Variants in THSD4 observed in about 807,000 individuals in gnomAD.
THSD4 encodes thrombospondin type 1 domain containing 4.
In THSD4, 69 loss-of-function variants were observed where a neutral mutation model predicts 119.0. The ratio of observed to expected loss-of-function variants is 0.58; its 90% CI spans 0.48 to 0.71. The LOEUF (loss-of-function observed/expected upper bound fraction) is 0.71, where lower values mean the gene tolerates loss of function less well. Ranked by LOEUF, THSD4 falls within the 30% of genes least tolerant of loss-of-function variation. The pLI is 0.00. For synonymous variants in THSD4, 524 were observed against 540.4 expected (o/e 0.97, Z 0.42); for missense variants, 1,393 against 1,391.1 (o/e 1.00, Z -0.02).
intron 6 of THSD4, among the ~76,000 whole-genome samples, chr15:71,321,850 A>G (rs1490579217): frequency 6.6e-6 from 1 of 152,186 alleles, no homozygotes; most frequent in Non-Finnish European, 1.5e-5. Flanking sequence ...TATTTAAAAG[A>G]ATATTAAAAT....
intron 7 of THSD4, among the ~76,000 whole-genome samples, chr15:71,450,750 G>C (rs1013946310): frequency 1.3e-5 from 2 of 152,090 alleles, no homozygotes; most frequent in Non-Finnish European, 2.9e-5. Flanking sequence ...GAATTAAATT[G>C]ACATAAGACA....
chr15:71,244,227 G>A (rs1166077291), intron 5 of THSD4, among the ~76,000 whole-genome samples: 1 of 152,152 alleles, frequency 6.6e-6, no homozygotes, highest in African/African-American at 2.4e-5. Flanking sequence ...AACTATCAAT[G>A]TTAATTGTAT....
intron 7 of THSD4, among the ~76,000 whole-genome samples, chr15:71,657,510 A>G (rs186431862): frequency 7.2e-4 from 110 of 152,292 alleles, no homozygotes; most frequent in African/African-American, 2.4e-3. Context: ...CCTAGTTCTC[A>G]TTCTGGAGTT....
intron 6 of THSD4, among the ~76,000 whole-genome samples, chr15:71,380,753 C>T (rs954627837): frequency 6.6e-6 from 1 of 152,116 alleles, no homozygotes; most frequent in African/African-American, 2.4e-5. Flanking sequence ...CAACACATGT[C>T]ATAGCAATCT....
chr15:71,581,655 A>T (rs2049561145), intron 7 of THSD4, among the ~76,000 whole-genome samples: 1 of 152,134 alleles, frequency 6.6e-6, no homozygotes, highest in Non-Finnish European at 1.5e-5. Flanking sequence ...ACAGTTTCAG[A>T]TCTTACACAA....
intron 5 of THSD4, among the ~76,000 whole-genome samples, chr15:71,250,364 G>T (rs529465209): frequency 2.0e-5 from 3 of 152,254 alleles, no homozygotes; most frequent in Admixed American, 2.0e-4. Context: ...TTGAGTCAGG[G>T]TCTCACTGTG....
At chr15:71,298,095 T>A (rs1243323456) in intron 6 of THSD4, among the ~76,000 whole-genome samples, 1 of 152,216 alleles carries the variant, frequency 6.6e-6, no homozygotes, top group Non-Finnish European at 1.5e-5. Flanking sequence ...ATTTAGGTCT[T>A]TGATTCATTT....
At position 71,189,632 on chromosome 15, in the gene THSD4, T is replaced by G. The variant is rs2043649646; in HGVS notation, c.100-25403T>G. On this transcript the variant is annotated intron_variant, in intron 3 of 17. Transcript: ENST00000261862. ...TTACAGTGAGCCGAGATCGCGCCAC[T>G]GCACTCCAGTCTGGGCGACAGAGCA... 3.3e-5 allele frequency among the ~76,000 whole-genome samples: 5 copies of G among 151,192 alleles called. No homozygotes were observed. The South Asian group carries it at 1.0e-3, about 32-fold the overall frequency.
intron 8 of THSD4, among the ~76,000 whole-genome samples, chr15:71,677,222 C>T (rs2051670780): frequency 6.6e-6 from 1 of 152,160 alleles, no homozygotes. Flanking sequence ...CATGGCAGCC[C>T]CTGGAGACGA....
chr15:71,265,797 C>G (rs1196382491), intron 6 of THSD4, among the ~76,000 whole-genome samples: 2 of 152,148 alleles, frequency 1.3e-5, no homozygotes, highest in Non-Finnish European at 2.9e-5. Context: ...ATTACTGAGG[C>G]TTGAGTAGTT....
chr15:71,702,405 A>G (rs1309244475), intron 8 of THSD4, among the ~76,000 whole-genome samples: 2 of 151,996 alleles, frequency 1.3e-5, no homozygotes, highest in African/African-American at 4.8e-5. Context: ...CCTTTTGTTC[A>G]ATCCTAACAT....
Position 71,614,914 on chromosome 15 carries a change from G to A in THSD4, c.1153-45616G>A, listed in dbSNP as rs183687806. Among the ~76,000 whole-genome samples the A allele has an allele frequency of 7.2e-5, 11 of 152,204 alleles. No individual in the cohort carries two copies. In the East Asian group the frequency reaches 7.7e-4, roughly 11 times the overall value. On this transcript the variant is annotated intron_variant, in intron 7 of 17. Transcript: ENST00000261862. The stretch of plus-strand genomic sequence containing the variant: ...CCAGAGGTTCAAGTTAACTGAGGCC[G>A]ACTCCTGGCTAGGACCTCTGCGGAG...
At chr15:71,271,145 T>G (rs2044153) in intron 6 of THSD4, among the ~76,000 whole-genome samples, 6 of 152,190 alleles carry the variant, frequency 3.9e-5, no homozygotes, top group African/African-American at 1.4e-4. Flanking sequence ...AAGTAATCGT[T>G]TTGCCATAAA....
chr15:71,388,586 T>A (rs2046323851), intron 6 of THSD4, among the ~76,000 whole-genome samples: 1 of 151,796 alleles, frequency 6.6e-6, no homozygotes, highest in African/African-American at 2.4e-5. Context: ...TGGTAGGAGA[T>A]CATCTCAGCT....
chr15:71,346,286 G>T (rs2045659789), intron 6 of THSD4, among the ~76,000 whole-genome samples: 2 of 152,122 alleles, frequency 1.3e-5, no homozygotes, highest in Non-Finnish European at 2.9e-5. Flanking sequence ...TGAATTTTTG[G>T]CAGGAAAATA....
At chr15:71,585,213 C>A (rs62022801) in intron 7 of THSD4, among the ~76,000 whole-genome samples, 1 of 152,030 alleles carries the variant, frequency 6.6e-6, no homozygotes, top group South Asian at 2.1e-4. Context: ...ATTGCTAATT[C>A]GTGTCTTTTT....
intron 7 of THSD4, among the ~76,000 whole-genome samples, chr15:71,523,709 G>A (rs1567020369): frequency 6.6e-6 from 1 of 152,160 alleles, no homozygotes; most frequent in African/African-American, 2.4e-5. Flanking sequence ...ATAAAGAGGA[G>A]GAAATGGAAG....
At chr15:71,179,988 G>C (rs1458982585) in intron 3 of THSD4, among the ~76,000 whole-genome samples, 1 of 96,950 alleles carries the variant, frequency 1.0e-5, no homozygotes, top group African/African-American at 4.0e-5. Flanking sequence ...TCTGGGGACT[G>C]TGGTGGGGTC....
At chr15:71,598,683 T>A (rs12438767) in intron 7 of THSD4, among the ~76,000 whole-genome samples, 27,556 of 152,074 alleles carry the variant, frequency 0.18, 3,111 homozygotes, top group East Asian at 0.49. Context: ...TAGTGCGAGA[T>A]CATAGCTCAA....
Sources: allele counts gnomAD v4.1 joint callset (sites outside exome capture counted in the v4.1 genomes callset), GRCh38; gene constraint gnomAD v4.1.1; transcripts MANE v1.5; gene names NCBI Gene and HGNC (gene_info 2026-07-23, HGNC 2026-07-21).